The following MED27 variants were observed in gnomAD, a reference collection of about 807,000 sequenced individuals.
The protein encoded by MED27 is mediator of RNA polymerase II transcription subunit 27.
A neutral mutation model predicts 38.2 loss-of-function variants in MED27; 30 were observed. The ratio of observed to expected loss-of-function variants is 0.79; its 90% CI spans 0.59 to 1.07. The LOEUF (loss-of-function observed/expected upper bound fraction) is 1.07, where lower values mean the gene tolerates loss of function less well. Among genes scored for constraint, MED27 ranks in the 50% least tolerant of loss-of-function variants. MED27 has a pLI of 0.00. For missense variants in MED27, 289 were observed against 397.5 expected (o/e 0.73, Z 2.32); for synonymous variants, 122 against 153.5 (o/e 0.79, Z 1.52).
At chr9:132,042,883 C>T (rs775031816) in intron 2 of MED27, among the ~76,000 whole-genome samples, 104 of 152,114 alleles carry the variant, frequency 6.8e-4, no homozygotes, top group Admixed American at 1.2e-3. Context: ...TGATCACGTA[C>T]CAATTAATCA....
chr9:131,865,662 C>T (rs1838725785), intron 6 of MED27, among the ~76,000 whole-genome samples: 1 of 152,166 alleles, frequency 6.6e-6, no homozygotes, highest in Non-Finnish European at 1.5e-5. Context: ...ACCTTCCCTG[C>T]GATAGGAACG....
chr9:131,958,400 C>T (rs557587633), intron 3 of MED27, among the ~76,000 whole-genome samples: 20 of 152,078 alleles, frequency 1.3e-4, no homozygotes, highest in African/African-American at 4.8e-4. Context: ...CGTGCGCCAC[C>T]GTGCCTGGCT....
Position 131,863,633 on chromosome 9 carries a change from G to A in MED27, c.724-493C>T, listed in dbSNP as rs760436254. On this transcript the variant is annotated intron_variant, in intron 6 of 7. Transcript: ENST00000292035. ...TCTGTCACCATTTGTAGCCACACAG[G>A]ATTTATGATGGGGAGCCTGGCAGTT... is the stretch of plus-strand genomic sequence containing the variant. Among the ~76,000 whole-genome samples, 22 of 146,374 alleles carry A rather than the reference G, an allele frequency of 1.5e-4. 1 individual carries two copies. The Middle Eastern group carries it at 0.01, about 68-fold the overall frequency.
intron 2 of MED27, among the ~76,000 whole-genome samples, chr9:132,074,500 A>C (rs1224941997): frequency 2.6e-5 from 4 of 152,202 alleles, no homozygotes; most frequent in Non-Finnish European, 5.9e-5. Context: ...AGTTACCCCA[A>C]ACTTCACTTA....
chr9:131,926,240 C>T (rs1830481214), intron 4 of MED27, among the ~76,000 whole-genome samples: 1 of 152,260 alleles, frequency 6.6e-6, no homozygotes, highest in East Asian at 1.9e-4. Context: ...AGAACTATGC[C>T]TTTATCTCCA....
intron 3 of MED27, among the ~76,000 whole-genome samples, chr9:131,995,311 T>A (rs1289557214): frequency 6.6e-6 from 1 of 151,560 alleles, no homozygotes; most frequent in East Asian, 1.9e-4. Flanking sequence ...ATTGTTAGCA[T>A]GATAGACCCA....
At chr9:131,919,811 CTT>C (rs34501268) in intron 4 of MED27, among the ~76,000 whole-genome samples, 35 of 141,620 alleles carry the variant, frequency 2.5e-4, no homozygotes, top group Non-Finnish European at 2.1e-4. Flanking sequence ...ATTCTTCTTC[CTT>C]TTTTTTTTTT....
At chr9:131,903,045 A>G (rs1215611423) in intron 4 of MED27, among the ~76,000 whole-genome samples, 1 of 151,872 alleles carries the variant, frequency 6.6e-6, no homozygotes, top group Admixed American at 6.6e-5. Context: ...TCAGCACCAC[A>G]TCTGAACCAT....
chr9:131,886,464 A>G (rs1839142834), intron 5 of MED27, among the ~76,000 whole-genome samples: 1 of 152,148 alleles, frequency 6.6e-6, no homozygotes, highest in African/African-American at 2.4e-5. Flanking sequence ...TCCTTCTTGC[A>G]TTGCCACAAA....
chr9:131,905,977 C>G (rs1214945179), intron 4 of MED27, among the ~76,000 whole-genome samples: 1 of 151,840 alleles, frequency 6.6e-6, no homozygotes, highest in Admixed American at 6.6e-5. Context: ...AGGAGACAGG[C>G]AATGAAGAAG....
chr9:131,900,464 AATG>A (rs1829920434), intron 4 of MED27, among the ~76,000 whole-genome samples: 2 of 152,242 alleles, frequency 1.3e-5, no homozygotes, highest in African/African-American at 4.8e-5. Flanking sequence ...TGGTGGTTGA[AATG>A]ATATCTCTAC....
At chr9:132,012,713 T>C (rs923509477) in intron 3 of MED27, among the ~76,000 whole-genome samples, 2 of 152,174 alleles carry the variant, frequency 1.3e-5, no homozygotes, top group Non-Finnish European at 2.9e-5. Flanking sequence ...CCCCACTCTG[T>C]AGTCCCTTCC....
chr9:132,029,038 GAGA>G (rs1233958480), intron 2 of MED27, among the ~76,000 whole-genome samples: 1 of 152,238 alleles, frequency 6.6e-6, no homozygotes, highest in African/African-American at 2.4e-5. Flanking sequence ...GGTCAACTAA[GAGA>G]AGGACACAGC....
chr9:131,943,660 G>A (rs917293042), intron 3 of MED27, among the ~76,000 whole-genome samples: 6 of 152,218 alleles, frequency 3.9e-5, no homozygotes, highest in African/African-American at 7.2e-5. Context: ...TTGAGCAGAC[G>A]CGGCGCGGAA....
chr9:132,021,369 A>C (rs1832712950), intron 2 of MED27, among the ~76,000 whole-genome samples: 1 of 152,240 alleles, frequency 6.6e-6, no homozygotes. Context: ...GAATTCACTA[A>C]CAAAGCAAAC....
intron 6 of MED27, chr9:131,868,785 T>C (rs1838778123): frequency 1.0e-6 from 1 of 985,310 alleles, no homozygotes; most frequent in African/African-American, 1.7e-5. Context: ...CTGCCCGCCA[T>C]CTCCCAGGGC....
chr9:131,992,315 A>C (rs1831993028), intron 3 of MED27, among the ~76,000 whole-genome samples: 1 of 152,224 alleles, frequency 6.6e-6, no homozygotes, highest in Non-Finnish European at 1.5e-5. Flanking sequence ...AGATGTGAAC[A>C]TGGAAAACAT....
chr9:131,935,056 G>A (rs904178816), intron 4 of MED27, among the ~76,000 whole-genome samples: 2 of 152,178 alleles, frequency 1.3e-5, no homozygotes, highest in African/African-American at 4.8e-5. Flanking sequence ...GTTACCAGCG[G>A]CTGAGAAGGG....
intron 2 of MED27, among the ~76,000 whole-genome samples, chr9:132,016,438 A>G (rs1832604455): frequency 6.6e-6 from 1 of 152,200 alleles, no homozygotes; most frequent in Non-Finnish European, 1.5e-5. Flanking sequence ...GGGGGAGCAT[A>G]ATTTGGCTCT....
Sources: allele counts gnomAD v4.1 joint callset (sites outside exome capture counted in the v4.1 genomes callset), GRCh38; gene constraint gnomAD v4.1.1; transcripts MANE v1.5; gene names NCBI Gene and HGNC (gene_info 2026-07-23, HGNC 2026-07-21).